The following CDYL2 variants were observed in gnomAD, a reference collection of about 807,000 sequenced individuals.
CDYL2 encodes chromodomain Y-like protein 2.
Under a neutral mutation model 49.4 loss-of-function variants are expected in CDYL2, and 23 were observed. That is an observed-to-expected ratio of 0.47 (90% confidence interval 0.34 to 0.66). The LOEUF (loss-of-function observed/expected upper bound fraction) is 0.66. Among genes scored for constraint, CDYL2 ranks in the 30% least tolerant of loss-of-function variants. The pLI is 0.01. For missense variants in CDYL2, 678 were observed against 656.4 expected (o/e 1.03, Z -0.36); for synonymous variants, 360 against 268.8 (o/e 1.34, Z -3.32).
chr16:80,741,067 G>A (rs1242828353), intron 1 of CDYL2, among the ~76,000 whole-genome samples: 1 of 151,094 alleles, frequency 6.6e-6, no homozygotes, highest in Non-Finnish European at 1.5e-5. Context: ...GACTTCTACT[G>A]CCAATTATTA....
chr16:80,736,908 C>T (rs867764552), intron 1 of CDYL2, among the ~76,000 whole-genome samples: 1 of 152,212 alleles, frequency 6.6e-6, no homozygotes, highest in Admixed American at 6.5e-5. Flanking sequence ...TCATTGTTCA[C>T]AACCTCAGTA....
chr16:80,632,723 A>G (rs1907620660), intron 3 of CDYL2: 3 of 365,056 alleles, frequency 8.2e-6, no homozygotes, highest in Admixed American at 3.9e-5. Flanking sequence ...CCAAGATGTG[A>G]TGTTTGGATT....
At chr16:80,769,870 C>A (rs552777216) in intron 1 of CDYL2, among the ~76,000 whole-genome samples, 2 of 152,138 alleles carry the variant, frequency 1.3e-5, no homozygotes, top group African/African-American at 4.8e-5. Flanking sequence ...CTACACAACA[C>A]GTATTCTTAA....
chr16:80,677,324 T>G (rs1299738226), intron 2 of CDYL2, among the ~76,000 whole-genome samples: 1 of 152,184 alleles, frequency 6.6e-6, no homozygotes, highest in African/African-American at 2.4e-5. Flanking sequence ...TCCTTTAGGC[T>G]GTTTTGTTGA....
At position 80,620,682 on chromosome 16, in the gene CDYL2, C is replaced by A. The variant is rs544073149; in HGVS notation, c.1007+81G>T. The A allele has an allele frequency of 3.0e-6, 4 of 1,317,140 alleles. No homozygotes were observed. In the South Asian group the frequency reaches 5.7e-5, roughly 19 times the overall value. 81.6% of individuals were successfully genotyped at this position (1,317,140 alleles called of 1,614,324 possible). A position where few individuals can be genotyped will look rare whatever the true frequency, so the allele number is the denominator to read the frequency against. ...ATAAAATTCCTGGTTGTTTGAAATT[C>A]GAATTTAACTGAGCAGCCTGTATTT... On this transcript the variant is annotated intron_variant, in intron 4 of 6. Coordinates refer to ENST00000570137, the MANE Select transcript of CDYL2 (RefSeq NM_152342.4).
chr16:80,786,692 T>C (rs1476030146), intron 1 of CDYL2, among the ~76,000 whole-genome samples: 1 of 152,110 alleles, frequency 6.6e-6, no homozygotes, highest in Non-Finnish European at 1.5e-5. Context: ...AATGATAGAC[T>C]GGATTAAGAA....
chr16:80,616,155 A>T (rs888901883), intron 4 of CDYL2, among the ~76,000 whole-genome samples: 1 of 152,198 alleles, frequency 6.6e-6, no homozygotes, highest in African/African-American at 2.4e-5. Flanking sequence ...CTCAGAGTGA[A>T]GTCTCAGTTC....
chr16:80,719,471 C>A (rs1305416764), intron 1 of CDYL2, among the ~76,000 whole-genome samples: 2 of 152,194 alleles, frequency 1.3e-5, no homozygotes, highest in East Asian at 3.8e-4. Context: ...TTTTCTACAT[C>A]ATCATGGAGG....
intron 1 of CDYL2, among the ~76,000 whole-genome samples, chr16:80,711,889 G>C (rs1420428557): frequency 2.0e-5 from 3 of 151,884 alleles, no homozygotes. Context: ...GAATAGAGAC[G>C]TCAACGGGAC....
chr16:80,684,121 G>A (rs1277209860), intron 2 of CDYL2, among the ~76,000 whole-genome samples: 1 of 152,176 alleles, frequency 6.6e-6, no homozygotes, highest in Non-Finnish European at 1.5e-5. Flanking sequence ...ACACTGCTGG[G>A]GGCATGATGA....
At chr16:80,614,263 G>A (rs1038083731) in intron 4 of CDYL2, among the ~76,000 whole-genome samples, 15 of 152,156 alleles carry the variant, frequency 9.9e-5, no homozygotes, top group Admixed American at 5.2e-4. Flanking sequence ...TCCCGTCTCC[G>A]ACTGCATGTG....
intron 2 of CDYL2, among the ~76,000 whole-genome samples, chr16:80,667,624 G>C (rs1207515910): frequency 6.6e-6 from 1 of 152,176 alleles, no homozygotes; most frequent in Admixed American, 6.5e-5. Flanking sequence ...CATTTTATGA[G>C]TACTGGTTAG....
intron 1 of CDYL2, among the ~76,000 whole-genome samples, chr16:80,771,256 A>G (rs1906895316): frequency 1.3e-5 from 2 of 152,342 alleles, no homozygotes; most frequent in South Asian, 4.1e-4. Flanking sequence ...ATACAATCAA[A>G]ATAAAACAGA....
At chr16:80,790,859 G>A (rs188516094) in intron 1 of CDYL2, among the ~76,000 whole-genome samples, 39 of 152,284 alleles carry the variant, frequency 2.6e-4, no homozygotes, top group African/African-American at 7.7e-4. Context: ...ATAAGAAAGC[G>A]ATAATGATGT....
intron 1 of CDYL2, among the ~76,000 whole-genome samples, chr16:80,743,802 T>C (rs1905832743): frequency 6.6e-6 from 1 of 152,100 alleles, no homozygotes. Context: ...CAATTAAGGA[T>C]GAAGATAAGT....
intron 4 of CDYL2, among the ~76,000 whole-genome samples, chr16:80,619,003 G>A (rs1053891977): frequency 1.3e-5 from 2 of 152,190 alleles, no homozygotes; most frequent in African/African-American, 4.8e-5. Context: ...CAAACTCAAG[G>A]TGTTGGCAGG....
chr16:80,672,956 A>G (rs1909591366), intron 2 of CDYL2, among the ~76,000 whole-genome samples: 1 of 152,150 alleles, frequency 6.6e-6, no homozygotes, highest in Admixed American at 6.5e-5. Flanking sequence ...TGTCGTATAG[A>G]AATGCATCCT....
At position 80,698,073 on chromosome 16, in the gene CDYL2, A is replaced by G. The variant is rs111288478; in HGVS notation, c.25-12944T>C. On this transcript the variant is annotated intron_variant, in intron 1 of 6. Transcript: ENST00000570137. ...TAAAATTCATATGGAAGCACAAAAGATCCCAAATAGTCAAAGTTATCCTGA... is the reference window on the plus strand; with the variant it reads ...TAAAATTCATATGGAAGCACAAAAGGTCCCAAATAGTCAAAGTTATCCTGA... 2.4e-4 allele frequency among the ~76,000 whole-genome samples: 36 copies of G among 152,302 alleles called. 1 individual carries two copies. The highest frequency in any genetic ancestry group is 7.7e-4 in the African/African-American group (32 of 41,570).
At chr16:80,696,527 C>CA (rs1012341009) in intron 1 of CDYL2, among the ~76,000 whole-genome samples, 49 of 151,852 alleles carry the variant, frequency 3.2e-4, no homozygotes, top group East Asian at 1.5e-3. Flanking sequence ...GAAGACATTA[C>CA]AACTGATATT....
Sources: allele counts gnomAD v4.1 joint callset (sites outside exome capture counted in the v4.1 genomes callset), GRCh38; gene constraint gnomAD v4.1.1; transcripts MANE v1.5; gene names NCBI Gene and HGNC (gene_info 2026-07-23, HGNC 2026-07-21).